Variants in DLG2 observed in about 807,000 individuals in gnomAD.
DLG2 encodes discs large MAGUK scaffold protein 2.
In DLG2, 45 loss-of-function variants were observed where a neutral mutation model predicts 132.5. That is an observed-to-expected ratio of 0.34 (90% CI 0.27 to 0.44). The LOEUF (loss-of-function observed/expected upper bound fraction) is 0.44, where lower values mean the gene tolerates loss of function less well. DLG2 is among the 20% of genes least tolerant of loss of function. The pLI, the probability that DLG2 is intolerant of heterozygous loss-of-function variation, is 1.00. For synonymous variants in DLG2, 424 were observed against 419.6 expected (o/e 1.01, Z -0.13); for missense variants, 1,045 against 1,196.9 (o/e 0.87, Z 1.87).
intron 7 of DLG2, among the ~76,000 whole-genome samples, chr11:84,373,120 G>A (rs2098712682): frequency 6.6e-6 from 1 of 151,630 alleles, no homozygotes; most frequent in African/African-American, 2.4e-5. Context: ...AGTCCTAAAT[G>A]TGAACTTTTT....
chr11:85,620,226 T>C (rs1449644052), intron 2 of DLG2, among the ~76,000 whole-genome samples: 1 of 152,186 alleles, frequency 6.6e-6, no homozygotes, highest in Non-Finnish European at 1.5e-5. Context: ...CCACAAATCA[T>C]ACCCACATAA....
At chr11:84,608,819 A>C (rs562502787) in intron 6 of DLG2, among the ~76,000 whole-genome samples, 29 of 152,334 alleles carry the variant, frequency 1.9e-4, no homozygotes, top group African/African-American at 7.0e-4. Context: ...AATACTGATA[A>C]GTATATGCCA....
In DLG2 at chr11:83,457,315, A is replaced by G. The variant is rs1431284735; in HGVS notation, c.*2503T>C. On this transcript the variant is annotated 3_prime_UTR_variant, in exon 28 of 28. Coordinates refer to ENST00000376104, the MANE Select transcript of DLG2 (RefSeq NM_001142699.3). Reference sequence around the variant, plus strand: ...TCATTGGAGCCATAGAGACATCAACATTGGGAAGTGCAAGACAACACAACA... The same window carrying G: ...TCATTGGAGCCATAGAGACATCAACGTTGGGAAGTGCAAGACAACACAACA... The G allele has an allele frequency of 1.3e-5, 2 of 152,636 alleles. No individual in the cohort carries two copies. Among genetic ancestry groups the G allele is most frequent in the Non-Finnish European group, 2.9e-5 (2 of 68,040 alleles). 9.5% of individuals were successfully genotyped at this position (152,636 alleles called of 1,614,324 possible).
intron 4 of DLG2, among the ~76,000 whole-genome samples, chr11:85,163,833 C>T (rs1429072073): frequency 6.6e-6 from 1 of 152,062 alleles, no homozygotes; most frequent in Non-Finnish European, 1.5e-5. Flanking sequence ...TTTCCTCTAC[C>T]CTCCTACATT....
chr11:84,434,549 A>C (rs1319346829), intron 7 of DLG2, among the ~76,000 whole-genome samples: 1 of 152,182 alleles, frequency 6.6e-6, no homozygotes, highest in Non-Finnish European at 1.5e-5. Flanking sequence ...TTCAGGAAAA[A>C]TAATTTCTAT....
At chr11:85,256,514 T>C (rs2076671964) in intron 4 of DLG2, among the ~76,000 whole-genome samples, 1 of 152,190 alleles carries the variant, frequency 6.6e-6, no homozygotes, top group Admixed American at 6.5e-5. Context: ...CACCTGCAGA[T>C]GGCAAAGCTA....
At chr11:85,256,538 T>C (rs1347823405) in intron 4 of DLG2, among the ~76,000 whole-genome samples, 4 of 152,178 alleles carry the variant, frequency 2.6e-5, no homozygotes, top group Admixed American at 2.6e-4. Context: ...AAGCACACTG[T>C]AACACATACC....
intron 18 of DLG2, among the ~76,000 whole-genome samples, chr11:83,654,008 C>T (rs951975581): frequency 1.3e-5 from 2 of 152,174 alleles, no homozygotes; most frequent in African/African-American, 4.8e-5. Flanking sequence ...GCATGAGCCA[C>T]CGCGCCTGGC....
At chr11:85,319,792 TAA>T (rs753322726) in intron 3 of DLG2, among the ~76,000 whole-genome samples, 9 of 151,892 alleles carry the variant, frequency 5.9e-5, no homozygotes, top group African/African-American at 1.9e-4. Context: ...TAAGGAGATA[TAA>T]GTCTTAAAAT....
intron 6 of DLG2, among the ~76,000 whole-genome samples, chr11:85,041,513 T>G (rs1033007850): frequency 2.0e-5 from 3 of 151,930 alleles, no homozygotes; most frequent in African/African-American, 7.2e-5. Flanking sequence ...TCAGAGAGAT[T>G]TGAGCAGGGG....
intron 6 of DLG2, among the ~76,000 whole-genome samples, chr11:84,678,852 T>A (rs2099721560): frequency 6.6e-6 from 1 of 152,126 alleles, no homozygotes; most frequent in Non-Finnish European, 1.5e-5. Flanking sequence ...GTAATTTATT[T>A]AAATTTCTAA....
In DLG2 at chr11:84,592,868, C is replaced by T. The variant is rs10898271; in HGVS notation, c.358-58137G>A. ...ATCCCAGCACTTTGGGAGGCCAAGG[C>T]GAGTGGATCACAAGGTCAGGAGAGC... On this transcript the variant is annotated intron_variant, in intron 6 of 27. Coordinates refer to ENST00000376104, the MANE Select transcript of DLG2 (RefSeq NM_001142699.3). Among the ~76,000 whole-genome samples, 147 of 131,904 alleles carry T rather than the reference C, an allele frequency of 1.1e-3. 2 individuals are homozygous for T. Among genetic ancestry groups the T allele is most frequent in the African/African-American group, 3.7e-3 (130 of 34,770 alleles). 86.5% of individuals were successfully genotyped at this position (131,904 alleles called of 152,430 possible). A position where few individuals can be genotyped will look rare whatever the true frequency, so the allele number is the denominator to read the frequency against.
At chr11:83,914,174 T>C (rs1415298547) in intron 15 of DLG2, among the ~76,000 whole-genome samples, 1 of 152,112 alleles carries the variant, frequency 6.6e-6, no homozygotes, top group East Asian at 1.9e-4. Context: ...GGCAGATCTC[T>C]CATGATGGCT....
intron 14 of DLG2, among the ~76,000 whole-genome samples, chr11:83,961,773 A>T (rs2088858181): frequency 6.6e-6 from 1 of 152,076 alleles, no homozygotes; most frequent in African/African-American, 2.4e-5. Flanking sequence ...AGAATTCCTT[A>T]GAGAGCCGTG....
chr11:84,211,515 G>A (rs1397950268), intron 8 of DLG2, among the ~76,000 whole-genome samples: 3 of 152,108 alleles, frequency 2.0e-5, no homozygotes, highest in African/African-American at 7.2e-5. Context: ...AAAGTGCTGG[G>A]ATTACAGGTG....
chr11:83,967,450 C>T (rs903651312), intron 12 of DLG2, among the ~76,000 whole-genome samples: 1 of 152,116 alleles, frequency 6.6e-6, no homozygotes, highest in African/African-American at 2.4e-5. Context: ...AGTGATATCT[C>T]ATGGCAGTTT....
chr11:83,697,245 C>T (rs1192225852), intron 18 of DLG2, among the ~76,000 whole-genome samples: 5 of 152,056 alleles, frequency 3.3e-5, no homozygotes, highest in African/African-American at 9.7e-5. Context: ...CTGAAGTGAA[C>T]AATATTAAAT....
chr11:84,360,354 C>G (rs936191332), intron 7 of DLG2, among the ~76,000 whole-genome samples: 3 of 151,768 alleles, frequency 2.0e-5, no homozygotes, highest in Admixed American at 6.6e-5. Context: ...ATTTGAGGGC[C>G]AAATTCCTAC....
chr11:85,546,818 C>CTT (rs34822004), intron 3 of DLG2, among the ~76,000 whole-genome samples: 165 of 68,976 alleles, frequency 2.4e-3, no homozygotes, highest in East Asian at 2.6e-3. Flanking sequence ...ATAACCCCTG[C>CTT]TTTTTTTTTT....
Sources: gnomAD v4.1 joint callset for allele counts (sites outside exome capture counted in the v4.1 genomes callset) on GRCh38, gnomAD v4.1.1 for gene constraint, MANE v1.5 for transcripts, NCBI Gene and HGNC (gene_info 2026-07-23, HGNC 2026-07-21) for gene names.